Variants in ZNF667 observed in about 807,000 individuals in gnomAD.
ZNF667 encodes the protein zinc finger protein 667, also known as myocardial ischemic preconditioning upregulated 1 ortholog.
A neutral mutation model predicts 31.8 loss-of-function variants in ZNF667; 13 were observed. The observed-to-expected ratio is 0.41, with a 90% CI of 0.27 to 0.65. The LOEUF is 0.65. Among genes scored for constraint, ZNF667 ranks in the 30% least tolerant of loss-of-function variants. The pLI is 0.32. For missense variants in ZNF667, 642 were observed against 725.6 expected (o/e 0.88, Z 1.32); for synonymous variants, 228 against 247.1 (o/e 0.92, Z 0.73).
At chr19:56,458,355 C>T (rs1327117773) in intron 5 of ZNF667, 108 bp from the exon 6 acceptor site, 2 of 875,930 alleles carry the variant, frequency 2.3e-6, no homozygotes, top group East Asian at 2.5e-5. Context: ...GAAGGGAGCA[C>T]AGAGGATGTG....
chr19:56,466,459 G>A (rs2043161921), intron 3 of ZNF667, among the ~76,000 whole-genome samples: 1 of 152,278 alleles, frequency 6.6e-6, no homozygotes, highest in Admixed American at 6.5e-5. Flanking sequence ...CCAATGGGAG[G>A]CAGCTGGAGG....
intron 3 of ZNF667, among the ~76,000 whole-genome samples, chr19:56,467,304 G>A (rs1437390894): frequency 6.6e-6 from 1 of 152,088 alleles, no homozygotes; most frequent in African/African-American, 2.4e-5. Flanking sequence ...CATGAATATG[G>A]CACCTTACAC....
At chr19:56,449,898 G>C (rs1425702152) in intron 6 of ZNF667, among the ~76,000 whole-genome samples, 1 of 151,228 alleles carries the variant, frequency 6.6e-6, no homozygotes, top group African/African-American at 2.4e-5. Flanking sequence ...AGAAGAAATA[G>C]TGAGCTTGAA....
chr19:56,470,217 T>G (rs538801044), intron 3 of ZNF667, among the ~76,000 whole-genome samples: 1 of 152,330 alleles, frequency 6.6e-6, no homozygotes, highest in Admixed American at 6.5e-5. Flanking sequence ...TCACTGCTGT[T>G]GAGGTTACAA....
chr19:56,455,521 A>G (rs2042913407), intron 6 of ZNF667, among the ~76,000 whole-genome samples: 1 of 152,208 alleles, frequency 6.6e-6, no homozygotes, highest in Non-Finnish European at 1.5e-5. Context: ...TAAGCCAGAC[A>G]CAGACAACCT....
At chr19:56,450,531 A>G (rs1423688797) in intron 6 of ZNF667, among the ~76,000 whole-genome samples, 2 of 152,234 alleles carry the variant, frequency 1.3e-5, no homozygotes, top group Non-Finnish European at 2.9e-5. Context: ...ATCTGAACAT[A>G]CAACACTCAC....
chr19:56,457,912 C>T (rs1040889310), intron 6 of ZNF667, among the ~76,000 whole-genome samples: 1 of 152,174 alleles, frequency 6.6e-6, no homozygotes, highest in Non-Finnish European at 1.5e-5. Context: ...CACCTATAAT[C>T]TCTCTCCCAG....
At chr19:56,462,065 C>T (rs2043056480) in intron 4 of ZNF667, among the ~76,000 whole-genome samples, 1 of 152,232 alleles carries the variant, frequency 6.6e-6, no homozygotes, top group African/African-American at 2.4e-5. Context: ...TTGGGGAGGG[C>T]ATTTCTCCTG....
rs1314289870 is a variant in ZNF667, at chr19:56,462,778, C to T, written c.-59-349G>A. 4.6e-5 allele frequency among the ~76,000 whole-genome samples: 7 copies of T among 152,130 alleles called. No individual in the cohort carries two copies. The South Asian group carries it at 1.5e-3, about 32-fold the overall frequency. ...GCAGTGAGTTAAAGTGGAAGAGTGC[C>T]GGCTCCCAAGCACCTTACATTCCAG... On this transcript the variant is annotated intron_variant, in intron 3 of 6. Transcript: ENST00000504904.
intron 3 of ZNF667, chr19:56,470,040 T>C (rs2043255587): frequency 2.2e-6 from 1 of 457,612 alleles, no homozygotes; most frequent in Admixed American, 2.3e-5. Context: ...GACAATGCAT[T>C]GACCAATGTT....
intron 6 of ZNF667, among the ~76,000 whole-genome samples, chr19:56,447,416 A>G (rs2042729276): frequency 6.6e-6 from 1 of 152,214 alleles, no homozygotes. Context: ...CCTATCCAGT[A>G]TGGGTAAACC....
At chr19:56,462,303 G>A in intron 4 of ZNF667, 35 bp downstream of exon 4, 1 of 1,613,576 alleles carries the variant, frequency 6.2e-7, no homozygotes, top group Non-Finnish European at 8.5e-7. Context: ...AAGACACGAT[G>A]GGGTGTTCCG....
At chr19:56,449,966 T>C (rs528068411) in intron 6 of ZNF667, among the ~76,000 whole-genome samples, 21 of 150,698 alleles carry the variant, frequency 1.4e-4, no homozygotes, top group Middle Eastern at 3.4e-3. Context: ...TAATAAAGCA[T>C]GCCTACAGGA....
chr19:56,450,302 G>C (rs937629338), intron 6 of ZNF667, among the ~76,000 whole-genome samples: 2 of 152,148 alleles, frequency 1.3e-5, no homozygotes, highest in Admixed American at 6.5e-5. Flanking sequence ...GGCCAGGAGA[G>C]AGAATTATGA....
chr19:56,454,861 GGAAACAATCAAC>G (rs1363602327), intron 6 of ZNF667, among the ~76,000 whole-genome samples: 1 of 151,756 alleles, frequency 6.6e-6, no homozygotes, highest in African/African-American at 2.4e-5. Flanking sequence ...GCACAGCACA[GGAAACAATCAAC>G]AAAGTGAAGA....
intron 6 of ZNF667, among the ~76,000 whole-genome samples, chr19:56,455,969 C>T (rs1420097629): frequency 6.6e-6 from 1 of 152,186 alleles, no homozygotes; most frequent in Non-Finnish European, 1.5e-5. Flanking sequence ...AAACCTTCTA[C>T]TGCATCTCCC....
chr19:56,455,414 T>A (rs74888812), intron 6 of ZNF667, among the ~76,000 whole-genome samples: 5,410 of 152,222 alleles, frequency 0.036, 214 homozygotes, highest in African/African-American at 0.096. Context: ...CACATGACCA[T>A]CAACAGTCAT....
intron 3 of ZNF667, chr19:56,470,018 T>C (rs1207635833): frequency 1.5e-5 from 7 of 459,574 alleles, no homozygotes. Context: ...CTTTATCTCT[T>C]GTCCTCCACC....
chr19:56,470,281 A>C (rs2043263959), intron 3 of ZNF667, among the ~76,000 whole-genome samples: 1 of 152,186 alleles, frequency 6.6e-6, no homozygotes, highest in Non-Finnish European at 1.5e-5. Flanking sequence ...GGTCGCATTG[A>C]CCGTCCTTAG....
Sources: allele counts gnomAD v4.1 joint callset (sites outside exome capture counted in the v4.1 genomes callset), GRCh38; gene constraint gnomAD v4.1.1; transcripts MANE v1.5; gene names NCBI Gene and HGNC (gene_info 2026-07-23, HGNC 2026-07-21).